Variants in SLC39A10 observed in about 807,000 individuals in gnomAD.
The protein encoded by SLC39A10 is solute carrier family 39 member 10, also known as zinc transporter ZIP10.
Under a neutral mutation model 65.1 loss-of-function variants are expected in SLC39A10, and 13 were observed. That is an observed-to-expected ratio of 0.20 (90% CI 0.13 to 0.32). SLC39A10 has a LOEUF of 0.32. SLC39A10 is among the 10% of genes least tolerant of loss of function. The pLI, the probability that SLC39A10 is intolerant of heterozygous loss-of-function variation, is 1.00. For synonymous variants in SLC39A10, 321 were observed against 342.2 expected (o/e 0.94, Z 0.68); for missense variants, 831 against 1,018.4 (o/e 0.82, Z 2.50).
intron 8 of SLC39A10, among the ~76,000 whole-genome samples, chr2:195,721,967 G>C (rs1425257567): frequency 6.6e-6 from 1 of 152,092 alleles, no homozygotes; most frequent in East Asian, 1.9e-4. Flanking sequence ...CCCTTTTTCT[G>C]TCTGCAATTT....
In SLC39A10 at chr2:195,680,048, G is replaced by A. The variant is rs1690240802; in HGVS notation, c.6G>A (p.Lys2=). ...TCTCTTTAGGAAAAATAGAAATGAA[G>A]GTACATATGCACACAAAATTTTGCC... M[K]VHMHTKFCLI... The change falls in exon 2 of 10, where the codon AAG becomes AAA. Residue 2 remains lysine, a synonymous_variant. Transcript: ENST00000359634. The A allele has an allele frequency of 5.7e-6, 9 of 1,580,942 alleles. No homozygotes were observed. The Admixed American group carries it at 5.8e-5, about 10-fold the overall frequency.
At chr2:195,631,639 C>G (rs996961500) in intron 2 of SLC39A10, among the ~76,000 whole-genome samples, 2 of 151,986 alleles carry the variant, frequency 1.3e-5, no homozygotes, top group Admixed American at 1.3e-4. Flanking sequence ...CAGTTTTATT[C>G]CATTCTGAGG....
rs562474875 is a variant in SLC39A10 at position 195,719,631 on chromosome 2, T to C, written c.2146+1299T>C. Among the ~76,000 whole-genome samples the C allele has an allele frequency of 2.2e-3, 336 of 151,744 alleles. 1 individual carries two copies. Among genetic ancestry groups the C allele is most frequent in the African/African-American group, 7.4e-3 (308 of 41,412 alleles). On this transcript the variant is annotated intron_variant, in intron 8 of 9. Coordinates refer to ENST00000359634, the MANE Select transcript of SLC39A10 (RefSeq NM_020342.3). ...CATTAACTTTCTTTTTTTTTTTTTT[T>C]CTTTGAGACAGAGTCTTCCTCTGCT... is the stretch of plus-strand genomic sequence containing the variant.
chr2:195,711,968 A>G lies in SLC39A10; in HGVS notation c.1576-1465A>G, dbSNP rs562608655. Among the ~76,000 whole-genome samples, 28 of 151,744 alleles carry G rather than the reference A, an allele frequency of 1.8e-4. 1 individual carries two copies. In the South Asian group the frequency reaches 2.5e-3, roughly 14 times the overall value. ...AATGTCTTAACTCTTCCCAGTTTCT[A>G]TCGGCTTAGTGGCTTACATTAACCA... is the stretch of plus-strand genomic sequence containing the variant. On this transcript the variant is annotated intron_variant, in intron 5 of 9. Coordinates refer to ENST00000359634, the MANE Select transcript of SLC39A10 (RefSeq NM_020342.3).
upstream of SLC39A10, among the ~76,000 whole-genome samples, chr2:195,655,315 T>A (rs1689123614): frequency 6.6e-6 from 1 of 152,192 alleles, no homozygotes. Flanking sequence ...CAGCCGTACT[T>A]GTGTGTACCA....
At chr2:195,694,952 G>C (rs1690886773) in intron 3 of SLC39A10, among the ~76,000 whole-genome samples, 1 of 152,174 alleles carries the variant, frequency 6.6e-6, no homozygotes, top group African/African-American at 2.4e-5. Context: ...CTGAGTGAAA[G>C]AAAGAAATGG....
intron 1 of SLC39A10, among the ~76,000 whole-genome samples, chr2:195,660,813 T>C (rs1689364553): frequency 6.6e-6 from 1 of 152,250 alleles, no homozygotes; most frequent in African/African-American, 2.4e-5. Context: ...CTTCTCCTTA[T>C]CTTGAATGAT....
rs35865354 is a variant in SLC39A10, at chr2:195,630,103, A to ATGTGTGTGTG, written c.-12+23892_-12+23901dup. On this transcript the variant is annotated intron_variant, in intron 2 of 2. Transcript: ENST00000458054. The stretch of plus-strand genomic sequence containing the variant: ...ACTATATAGAGAAAACTCATTTTAT[A>ATGTGTGTGTG]TGTGTGTGTGTGTGTGTGTGTGTGT... Among the ~76,000 whole-genome samples, 689 of 131,796 alleles carry ATGTGTGTGTG rather than the reference A, an allele frequency of 5.2e-3. 11 individuals carry two copies. The highest frequency in any genetic ancestry group is 0.017 in the African/African-American group (592 of 34,368). The allele number at this position is 131,796 out of a possible 152,430, so 86.5% of individuals were successfully genotyped here.
chr2:195,671,678 T>C (rs1689864273), intron 1 of SLC39A10: 1 of 152,186 alleles, frequency 6.6e-6, no homozygotes, highest in South Asian at 2.1e-4. Context: ...GTGCTGTCGA[T>C]GGAAAAGATT....
chr2:195,654,231 G>GTCATAAA (rs1689103077), upstream of SLC39A10, among the ~76,000 whole-genome samples: 1 of 152,164 alleles, frequency 6.6e-6, no homozygotes, highest in Admixed American at 6.5e-5. Context: ...GAGCCACCAC[G>GTCATAAA]CCTGGCAGAA....
intron 8 of SLC39A10, among the ~76,000 whole-genome samples, chr2:195,718,802 G>A (rs1018294736): frequency 2.0e-5 from 3 of 152,066 alleles, no homozygotes; most frequent in African/African-American, 7.2e-5. Context: ...GTTCAAAAAT[G>A]TTACCTGGAT....
At chr2:195,672,990 TA>T (rs1689928968) in intron 1 of SLC39A10, among the ~76,000 whole-genome samples, 1 of 152,168 alleles carries the variant, frequency 6.6e-6, no homozygotes, top group Admixed American at 6.5e-5. Context: ...AGTGTACGAG[TA>T]AAATTGATAC....
intron 3 of SLC39A10, among the ~76,000 whole-genome samples, chr2:195,686,732 A>G (rs1334620538): frequency 6.6e-6 from 1 of 152,196 alleles, no homozygotes; most frequent in African/African-American, 2.4e-5. Flanking sequence ...GGTCACACAA[A>G]CTGCTGCCAG....
At chr2:195,613,780 T>A (rs1471233534) in intron 2 of SLC39A10, among the ~76,000 whole-genome samples, 2 of 152,140 alleles carry the variant, frequency 1.3e-5, no homozygotes, top group Admixed American at 6.5e-5. Flanking sequence ...CAAATTAACC[T>A]AAAAAAGAAT....
chr2:195,627,862 C>T (rs1472877648), intron 2 of SLC39A10, among the ~76,000 whole-genome samples: 1 of 152,144 alleles, frequency 6.6e-6, no homozygotes, highest in African/African-American at 2.4e-5. Context: ...TCTCATGCTT[C>T]TGGGACTGTC....
At chr2:195,619,347 A>T (rs955841102) in intron 2 of SLC39A10, among the ~76,000 whole-genome samples, 1 of 152,158 alleles carries the variant, frequency 6.6e-6, no homozygotes, top group Non-Finnish European at 1.5e-5. Flanking sequence ...AAATTGATTG[A>T]CCTTTCTAGC....
intron 1 of SLC39A10, among the ~76,000 whole-genome samples, chr2:195,667,358 TA>T (rs1478121741): frequency 6.6e-6 from 1 of 152,218 alleles, no homozygotes; most frequent in Non-Finnish European, 1.5e-5. Context: ...AACTCATTAC[TA>T]AAATACTTTT....
At chr2:195,697,050 T>TCTC (rs1690993844) in intron 3 of SLC39A10, among the ~76,000 whole-genome samples, 1 of 152,118 alleles carries the variant, frequency 6.6e-6, no homozygotes, top group African/African-American at 2.4e-5. Flanking sequence ...ATCTTCATGT[T>TCTC]GAGTAGGCTG....
intron 1 of SLC39A10, among the ~76,000 whole-genome samples, chr2:195,661,763 A>T (rs539559109): frequency 6.6e-6 from 1 of 152,328 alleles, no homozygotes; most frequent in East Asian, 1.9e-4. Context: ...TTAGAATAGG[A>T]TGCTACTGGT....
Sources: allele counts gnomAD v4.1 joint callset (sites outside exome capture counted in the v4.1 genomes callset), GRCh38; gene constraint gnomAD v4.1.1; transcripts MANE v1.5; gene names NCBI Gene and HGNC (gene_info 2026-07-23, HGNC 2026-07-21).